The following BARD1 variants were observed in gnomAD, a reference collection of about 807,000 sequenced individuals.
BARD1 encodes the protein BRCA1 associated RING domain 1.
A neutral mutation model predicts 77.0 loss-of-function variants in BARD1; 73 were observed. The ratio of observed to expected loss-of-function variants is 0.95; its 90% CI spans 0.79 to 1.15. The LOEUF is 1.15. BARD1 is among the 50% of genes most tolerant of loss of function. The pLI, the probability that BARD1 is intolerant of heterozygous loss-of-function variation, is 0.00. For synonymous variants in BARD1, 384 were observed against 338.0 expected (o/e 1.14, Z -1.49); for missense variants, 993 against 938.8 (o/e 1.06, Z -0.75).
intron 4 of BARD1, 44 bp from the exon 5 acceptor site, chr2:214,769,356 GA>G: frequency 6.7e-7 from 1 of 1,489,176 alleles, no homozygotes. Context: ...ATTAAGGAAA[GA>G]AAGGAAAATA....
chr2:214,783,232 A>C (rs777497897), intron 3 of BARD1, among the ~76,000 whole-genome samples: 5 of 152,182 alleles, frequency 3.3e-5, no homozygotes, highest in Non-Finnish European at 7.3e-5. Context: ...AAGTGGACCC[A>C]TGCAGCTCAA....
intron 3 of BARD1, among the ~76,000 whole-genome samples, chr2:214,790,259 C>A (rs115218609): frequency 0.015 from 2,239 of 152,100 alleles, 13 homozygotes; most frequent in Middle Eastern, 0.031. Flanking sequence ...AAATTGTGTT[C>A]CTCCCCCACC....
chr2:214,747,298 C>A (rs950601772), intron 7 of BARD1, among the ~76,000 whole-genome samples: 1 of 150,662 alleles, frequency 6.6e-6, no homozygotes, highest in Admixed American at 6.6e-5. Context: ...GTCAGTGTGG[C>A]GATTCCTCAG....
chr2:214,789,861 A>C (rs889783534), intron 3 of BARD1, among the ~76,000 whole-genome samples: 3 of 152,136 alleles, frequency 2.0e-5, no homozygotes, highest in Non-Finnish European at 4.4e-5. Flanking sequence ...GCAGTGCTTA[A>C]GTCTGGTAAG....
intron 2 of BARD1, among the ~76,000 whole-genome samples, chr2:214,794,697 C>G (rs575024151): frequency 6.6e-6 from 1 of 152,254 alleles, no homozygotes; most frequent in Non-Finnish European, 1.5e-5. Context: ...TGCCACATGT[C>G]TTAAATTGTA....
chr2:214,767,542 T>C lies in BARD1; in HGVS notation c.1508A>G (p.Lys503Arg), dbSNP rs775002804. The stretch of plus-strand genomic sequence containing the variant: ...CTTGACTATATCCACATGCCCATTC[T>C]TGGCTGCATCGTGAAGTGGTGAGTC... ...QNDSPLHDAAKNGHVDIVKLL... is the reference protein window; with the variant it reads ...QNDSPLHDAARNGHVDIVKLL... Residue 503 changes from lysine (K) to arginine (R), a missense_variant, in exon 6 of 11, where the codon AAG becomes AGG. Lys to Arg is a conservative substitution (Grantham distance 26). Coordinates refer to ENST00000260947, the MANE Select transcript of BARD1 (RefSeq NM_000465.4). 4 of 1,613,962 alleles carry C rather than the reference T, an allele frequency of 2.5e-6. No homozygotes were observed. Among genetic ancestry groups the C allele is most frequent in the African/African-American group, 2.7e-5 (2 of 74,934 alleles).
At chr2:214,736,513 G>A (rs562519045) in intron 9 of BARD1, among the ~76,000 whole-genome samples, 28 of 152,170 alleles carry the variant, frequency 1.8e-4, no homozygotes, top group South Asian at 1.0e-3. Context: ...CTACTGTATC[G>A]AATGAATGGC....
intron 9 of BARD1, 39 bp from the exon 10 acceptor site, chr2:214,730,547 A>C: frequency 6.7e-7 from 1 of 1,490,950 alleles, no homozygotes; most frequent in Non-Finnish European, 9.4e-7. Context: ...CTAAGTATCA[A>C]GTGAGCACTA....
At chr2:214,758,693 A>T (rs981216725) in intron 6 of BARD1, among the ~76,000 whole-genome samples, 1 of 152,200 alleles carries the variant, frequency 6.6e-6, no homozygotes, top group Admixed American at 6.5e-5. Context: ...GAGGAAAAGG[A>T]AGTACTTATG....
At chr2:214,802,183 T>C (rs1696055440) in intron 1 of BARD1, among the ~76,000 whole-genome samples, 1 of 152,222 alleles carries the variant, frequency 6.6e-6, no homozygotes, top group Non-Finnish European at 1.5e-5. Flanking sequence ...CTTTGAATTT[T>C]GATCTTTTCC....
Position 214,781,376 on chromosome 2 carries a change from C to T in BARD1, c.498G>A (p.Gln166=), listed in dbSNP as rs1574821230. 6.2e-7 allele frequency: 1 copy of T among 1,613,646 alleles called. No homozygotes were observed. ...CACTTGCATCTTTTTTTATTGCAGG[C>T]TGGGTTTGCACTGAAGCTTTACTCA... ...YVVSKASVQT[Q]PAIKKDASAQ... Residue 166 remains glutamine (Q), a synonymous_variant, in exon 4 of 11, where the codon CAG becomes CAA. Coordinates refer to ENST00000260947, the MANE Select transcript of BARD1 (RefSeq NM_000465.4).
intron 3 of BARD1, among the ~76,000 whole-genome samples, chr2:214,787,126 A>AGGTTTT (rs1332508225): frequency 6.6e-6 from 1 of 151,904 alleles, no homozygotes; most frequent in East Asian, 1.9e-4. Flanking sequence ...ACCATGTTCA[A>AGGTTTT]ACCCTGAGGT....
intron 4 of BARD1, among the ~76,000 whole-genome samples, chr2:214,770,955 A>G (rs369998206): frequency 6.8e-4 from 103 of 152,290 alleles, no homozygotes; most frequent in African/African-American, 2.5e-3. Flanking sequence ...ATTTAATTAC[A>G]TATTACGTTT....
chr2:214,754,709 A>C (rs1693613375), intron 6 of BARD1, among the ~76,000 whole-genome samples: 1 of 152,170 alleles, frequency 6.6e-6, no homozygotes, highest in Non-Finnish European at 1.5e-5. Context: ...ATATGGTCTT[A>C]AAACATGTGG....
At position 214,781,183 on chromosome 2, in the gene BARD1, A is replaced by T; in HGVS notation, c.691T>A (p.Ser231Thr). The change falls in exon 4 of 11, where the codon TCC becomes ACC. Residue 231 changes from serine to threonine, a missense_variant. Transcript: ENST00000260947. ...EAEKEDGEFD[S>T]KEESKQKLVS... ...AGCTTTTGCTTAGATTCCTCTTTGGAGTCAAATTCACCATCTTCTTTTTCT... is the reference window on the plus strand; with the variant it reads ...AGCTTTTGCTTAGATTCCTCTTTGGTGTCAAATTCACCATCTTCTTTTTCT... The T allele has an allele frequency of 1.9e-6, 3 of 1,587,058 alleles. No individual in the cohort carries two copies. Among genetic ancestry groups the T allele is most frequent in the Non-Finnish European group, 2.6e-6 (3 of 1,172,618 alleles).
rs775288627 is a variant in BARD1, at chr2:214,750,758, C to T, written c.1677+1689G>A. ...GGGAAAGACTTTAGTGTCTCTTTTT[C>T]AGTTGGCCACTGTCATATCTAGAAT... On this transcript the variant is annotated intron_variant, in intron 7 of 10. Coordinates refer to ENST00000260947, the MANE Select transcript of BARD1 (RefSeq NM_000465.4). Among the ~76,000 whole-genome samples the T allele has an allele frequency of 4.2e-4, 64 of 152,028 alleles. 1 individual carries two copies. The highest frequency in any genetic ancestry group is 7.2e-4 in the Non-Finnish European group (49 of 68,010).
Position 214,809,523 on chromosome 2 carries a change from G to C in BARD1, c.47C>G (p.Ser16Cys), listed in dbSNP as rs1326565823. 1.9e-6 allele frequency: 3 copies of C among 1,592,348 alleles called. No individual in the cohort carries two copies. The highest frequency in any genetic ancestry group is 2.6e-6 in the Non-Finnish European group (3 of 1,171,386). Residue 16 changes from serine to cysteine, a missense_variant, in exon 1 of 11, where the codon TCC (serine) becomes TGC (cysteine). Transcript: ENST00000260947. ...GGGCGCGGAACGAGGCTCGTTCCCG[G>C]AGCGGATCCTCGGCTGCCGGTTCCT... ...QPRNRQPRIR[S>C]GNEPRSAPAM...
At chr2:214,779,490 A>G (rs1694880542) in intron 4 of BARD1, among the ~76,000 whole-genome samples, 1 of 152,210 alleles carries the variant, frequency 6.6e-6, no homozygotes. Flanking sequence ...ACAGATACAC[A>G]GAGCTGACTG....
At position 214,780,579 on chromosome 2, in the gene BARD1, A is replaced by G; in HGVS notation, c.1295T>C (p.Leu432Pro). Residue 432 changes from leucine (L) to proline (P), a missense_variant, in exon 4 of 11, where the codon CTC (leucine) becomes CCC (proline). Coordinates refer to ENST00000260947, the MANE Select transcript of BARD1 (RefSeq NM_000465.4). ...TCCTACCTTAATAGAAGCAATATGG[A>G]GCAAAGTCTCTCCTCTATGATTTCT... The part of the protein sequence containing the change: ...VKRNHRGETL[L>P]HIASIKGDIP... 6.2e-7 allele frequency: 1 copy of G among 1,613,940 alleles called. No individual in the cohort carries two copies. Among genetic ancestry groups the G allele is most frequent in the South Asian group, 1.1e-5 (1 of 91,078 alleles).
Sources: gnomAD v4.1 joint callset for allele counts (sites outside exome capture counted in the v4.1 genomes callset) on GRCh38, gnomAD v4.1.1 for gene constraint, MANE v1.5 for transcripts, NCBI Gene and HGNC (gene_info 2026-07-23, HGNC 2026-07-21) for gene names.